The following SLC39A11 variants were observed in gnomAD, a reference collection of about 807,000 sequenced individuals.
SLC39A11 encodes solute carrier family 39 member 11.
A neutral mutation model predicts 36.1 loss-of-function variants in SLC39A11; 33 were observed. The ratio of observed to expected loss-of-function variants is 0.91; its 90% CI spans 0.69 to 1.22. The LOEUF (loss-of-function observed/expected upper bound fraction) is 1.22, where lower values mean the gene tolerates loss of function less well. Among genes scored for constraint, SLC39A11 ranks in the 50% most tolerant of loss-of-function variants. The pLI is 0.00. For synonymous variants in SLC39A11, 166 were observed against 170.3 expected (o/e 0.97, Z 0.20); for missense variants, 432 against 430.3 (o/e 1.00, Z -0.03).
At chr17:72,721,087 CTTT>C (rs56090007) in intron 7 of SLC39A11, among the ~76,000 whole-genome samples, 10 of 126,536 alleles carry the variant, frequency 7.9e-5, no homozygotes, top group Admixed American at 8.2e-5. Flanking sequence ...TGTCCCTCGC[CTTT>C]TTTTTTTTTT....
chr17:72,719,675 C>T (rs1245037147), intron 7 of SLC39A11, among the ~76,000 whole-genome samples: 1 of 152,214 alleles, frequency 6.6e-6, no homozygotes, highest in Non-Finnish European at 1.5e-5. Flanking sequence ...CGCAAGGAAA[C>T]CACACTGCCA....
chr17:72,873,697 C>T (rs1186689233), intron 5 of SLC39A11, among the ~76,000 whole-genome samples: 1 of 152,148 alleles, frequency 6.6e-6, no homozygotes, highest in Non-Finnish European at 1.5e-5. Context: ...TAGCACACTG[C>T]CCTTGGATTG....
intron 4 of SLC39A11, among the ~76,000 whole-genome samples, chr17:72,976,410 C>T (rs55990568): frequency 6.6e-6 from 1 of 152,026 alleles, no homozygotes; most frequent in African/African-American, 2.4e-5. Context: ...CTAGGTCTCA[C>T]ACTCACCCTC....
In SLC39A11 at chr17:72,861,657, TTATATATATATA is replaced by T. The variant is rs373265286; in HGVS notation, c.431-11865_431-11854del. Among the ~76,000 whole-genome samples the T allele has an allele frequency of 4.9e-4, 25 of 50,962 alleles. 1 individual carries two copies. The highest frequency in any genetic ancestry group is 4.5e-3 in the East Asian group (3 of 666). 33.4% of individuals were successfully genotyped at this position (50,962 alleles called of 152,430 possible). ...ACATGCACCATCTATATACAACACATTATATATATATATATATATATATATATATATAAAATA... is the reference window on the plus strand; with the variant it reads ...ACATGCACCATCTATATACAACACATTATATATATATATATATATAAAATA... On this transcript the variant is annotated intron_variant, in intron 5 of 9. Coordinates refer to ENST00000255559, the MANE Select transcript of SLC39A11 (RefSeq NM_139177.4).
At chr17:72,848,696 G>A (rs2079160091) in intron 6 of SLC39A11, among the ~76,000 whole-genome samples, 1 of 150,884 alleles carries the variant, frequency 6.6e-6, no homozygotes, top group African/African-American at 2.4e-5. Flanking sequence ...ACTCCAGCCT[G>A]GGGGACAGAG....
intron 7 of SLC39A11, among the ~76,000 whole-genome samples, chr17:72,720,043 C>T (rs976891784): frequency 3.3e-5 from 5 of 152,172 alleles, no homozygotes; most frequent in Admixed American, 2.0e-4. Context: ...CTGGAGGGGC[C>T]GACCCTTGCC....
intron 5 of SLC39A11, among the ~76,000 whole-genome samples, chr17:72,864,264 C>A (rs1478691748): frequency 1.3e-5 from 2 of 151,642 alleles, no homozygotes; most frequent in African/African-American, 4.9e-5. Flanking sequence ...CCTCATCCAC[C>A]AGATAGTTGG....
In SLC39A11 at chr17:72,676,504, C is replaced by T. The variant is rs79990199; in HGVS notation, c.672-27236G>A. On this transcript the variant is annotated intron_variant, in intron 7 of 9. Coordinates refer to ENST00000255559, the MANE Select transcript of SLC39A11 (RefSeq NM_139177.4). ...GTACACACTAGATGCTCAATAAATG[C>T]TACTGCTAGACTTCTTATCGTCATC... Among the ~76,000 whole-genome samples, 747 of 152,196 alleles carry T rather than the reference C, an allele frequency of 4.9e-3. 10 individuals are homozygous for T. Among genetic ancestry groups the T allele is most frequent in the African/African-American group, 0.017 (713 of 41,532 alleles).
chr17:72,898,815 G>A (rs749263044), intron 5 of SLC39A11, among the ~76,000 whole-genome samples: 1 of 152,172 alleles, frequency 6.6e-6, no homozygotes, highest in East Asian at 1.9e-4. Context: ...GCAGAACCAG[G>A]TCAAGAACCC....
At chr17:73,079,232 G>C (rs2060434878) in intron 3 of SLC39A11, among the ~76,000 whole-genome samples, 1 of 151,982 alleles carries the variant, frequency 6.6e-6, no homozygotes, top group African/African-American at 2.4e-5. Flanking sequence ...CAAGTAGCTG[G>C]GATTAGAGGC....
chr17:72,800,767 C>T (rs887333985), intron 6 of SLC39A11, among the ~76,000 whole-genome samples: 6 of 151,860 alleles, frequency 4.0e-5, no homozygotes, highest in African/African-American at 7.3e-5. Context: ...GCAGGGTGTT[C>T]GCAAATAGAG....
intron 4 of SLC39A11, among the ~76,000 whole-genome samples, chr17:73,026,233 A>AGAG (rs374840533): frequency 4.0e-4 from 60 of 150,512 alleles, no homozygotes; most frequent in East Asian, 9.9e-4. Flanking sequence ...AGAGAAGAGA[A>AGAG]AAGGGAAAAG....
chr17:72,841,600 A>T (rs2078811868), intron 6 of SLC39A11, among the ~76,000 whole-genome samples: 2 of 152,198 alleles, frequency 1.3e-5, no homozygotes, highest in Admixed American at 1.3e-4. Flanking sequence ...ATAGGTACAA[A>T]AAAAAATAGA....
intron 6 of SLC39A11, among the ~76,000 whole-genome samples, chr17:72,798,820 G>C (rs2076986473): frequency 6.6e-6 from 1 of 152,086 alleles, no homozygotes; most frequent in Non-Finnish European, 1.5e-5. Flanking sequence ...CAATATGAAT[G>C]GGTGAGGGAC....
intron 7 of SLC39A11, among the ~76,000 whole-genome samples, chr17:72,735,443 G>A (rs2074386384): frequency 1.3e-5 from 2 of 152,180 alleles, no homozygotes; most frequent in Non-Finnish European, 1.5e-5. Flanking sequence ...AATGGGTGCA[G>A]GAGGGAGTGC....
intron 3 of SLC39A11, among the ~76,000 whole-genome samples, 162 bp downstream of exon 3, chr17:73,084,646 C>T (rs1342369269): frequency 6.6e-6 from 1 of 151,936 alleles, no homozygotes; most frequent in Non-Finnish European, 1.5e-5. Flanking sequence ...ATTTGATAAG[C>T]TGGGAAATAA....
chr17:72,712,555 G>C (rs1437875827), intron 7 of SLC39A11, among the ~76,000 whole-genome samples: 1 of 152,238 alleles, frequency 6.6e-6, no homozygotes, highest in Non-Finnish European at 1.5e-5. Flanking sequence ...TAAAATTTTG[G>C]ATGGCCTTAC....
chr17:72,850,820 G>C (rs1236514286), intron 5 of SLC39A11, among the ~76,000 whole-genome samples: 2 of 152,134 alleles, frequency 1.3e-5, no homozygotes, highest in African/African-American at 4.8e-5. Flanking sequence ...GTTATTGTTA[G>C]TATCATGTTC....
intron 5 of SLC39A11, among the ~76,000 whole-genome samples, chr17:72,909,953 C>T (rs919603950): frequency 5.3e-5 from 8 of 151,884 alleles, no homozygotes; most frequent in East Asian, 3.9e-4. Context: ...GGGGTTTCAC[C>T]GTGTTAGCCA....
Sources: allele counts gnomAD v4.1 joint callset (sites outside exome capture counted in the v4.1 genomes callset), GRCh38; gene constraint gnomAD v4.1.1; transcripts MANE v1.5; gene names NCBI Gene and HGNC (gene_info 2026-07-23, HGNC 2026-07-21).